AFG2A: variants seen among roughly 807,000 people sequenced by gnomAD.
AFG2A encodes ATPase family gene 2 protein homolog A.
chr4:123,209,586 ATTTT>A, the AFG2A span, among the ~76,000 whole-genome samples: 147 of 116,258 alleles, frequency 1.3e-3, 1 homozygote, highest in Non-Finnish European at 1.8e-3. Context: ...TGCATCAAGA[ATTTT>A]TTTTTTTTTT....
the AFG2A span, among the ~76,000 whole-genome samples, chr4:123,058,460 A>G: frequency 3.9e-5 from 6 of 152,166 alleles, no homozygotes; most frequent in Admixed American, 3.9e-4. Context: ...CGCTGTCTCT[A>G]CTAAAAATAT....
the AFG2A span, among the ~76,000 whole-genome samples, chr4:123,261,031 T>C: frequency 6.6e-6 from 1 of 152,128 alleles, no homozygotes; most frequent in African/African-American, 2.4e-5. Context: ...GGGATCTAGG[T>C]TGTGTGCTCC....
At chr4:123,069,636 G>A in the AFG2A span, among the ~76,000 whole-genome samples, 1 of 152,052 alleles carries the variant, frequency 6.6e-6, no homozygotes, top group African/African-American at 2.4e-5. Context: ...ACAGTATGTT[G>A]TTAAAAATAT....
At chr4:122,999,769 T>G in the AFG2A span, among the ~76,000 whole-genome samples, 1 of 152,192 alleles carries the variant, frequency 6.6e-6, no homozygotes, top group Non-Finnish European at 1.5e-5. Flanking sequence ...TCTTTTGGCT[T>G]AGGATTGACT....
the AFG2A span, among the ~76,000 whole-genome samples, chr4:122,963,120 G>C: frequency 6.6e-6 from 1 of 152,174 alleles, no homozygotes; most frequent in Non-Finnish European, 1.5e-5. Context: ...GCACTAGATG[G>C]TGGGGCTACC....
the AFG2A span, among the ~76,000 whole-genome samples, chr4:123,075,333 A>G: frequency 1.3e-5 from 2 of 151,512 alleles, no homozygotes; most frequent in Non-Finnish European, 2.9e-5. Flanking sequence ...GGATATTGGT[A>G]ATGTTTCTGT....
chr4:123,170,174 G>A, the AFG2A span, among the ~76,000 whole-genome samples: 1 of 152,124 alleles, frequency 6.6e-6, no homozygotes, highest in Non-Finnish European at 1.5e-5. Context: ...CAAAGCTGGA[G>A]GCGCTAATTA....
the AFG2A span, among the ~76,000 whole-genome samples, chr4:123,017,222 G>T: frequency 6.6e-5 from 9 of 137,252 alleles, 1 homozygote; most frequent in Non-Finnish European, 4.6e-5. Context: ...AGAGGGAGAG[G>T]GGGGAGAGGG....
At chr4:123,273,256 G>GTA in the AFG2A span, among the ~76,000 whole-genome samples, 1 of 151,990 alleles carries the variant, frequency 6.6e-6, no homozygotes, top group Non-Finnish European at 1.5e-5. Context: ...TACATTATGC[G>GTA]TAGTATAATA....
At chr4:123,207,207 C>G in the AFG2A span, among the ~76,000 whole-genome samples, 46 of 152,124 alleles carry the variant, frequency 3.0e-4, no homozygotes, top group Non-Finnish European at 5.4e-4. Context: ...ATAGGGTATC[C>G]CCTCAAATGT....
chr4:123,039,604 A>G, the AFG2A span, among the ~76,000 whole-genome samples: 3 of 151,760 alleles, frequency 2.0e-5, no homozygotes, highest in African/African-American at 2.4e-5. Context: ...TGTTTATTTG[A>G]CTTTATATTA....
the AFG2A span, among the ~76,000 whole-genome samples, chr4:123,002,543 T>C: frequency 6.6e-6 from 1 of 152,162 alleles, no homozygotes; most frequent in African/African-American, 2.4e-5. Flanking sequence ...GTAAAGTGTT[T>C]TATTTCTCCT....
chr4:122,961,898 A>G, the AFG2A span, among the ~76,000 whole-genome samples: 2 of 152,206 alleles, frequency 1.3e-5, no homozygotes, highest in African/African-American at 4.8e-5. Context: ...AGTTAAATTG[A>G]TGTATATGTC....
At chr4:123,117,077 C>T in the AFG2A span, among the ~76,000 whole-genome samples, 149 of 152,278 alleles carry the variant, frequency 9.8e-4, 2 homozygotes, top group South Asian at 0.031. Flanking sequence ...TCAGTTAACA[C>T]ATCTGAAAAG....
At chr4:123,249,525 A>G in the AFG2A span, among the ~76,000 whole-genome samples, 1 of 152,174 alleles carries the variant, frequency 6.6e-6, no homozygotes, top group Non-Finnish European at 1.5e-5. Flanking sequence ...CACATTAGCC[A>G]TGATGTAGAT....
chr4:123,243,950 A>T, the AFG2A span, among the ~76,000 whole-genome samples: 1 of 152,282 alleles, frequency 6.6e-6, no homozygotes, highest in South Asian at 2.1e-4. Flanking sequence ...TGGACCCTGG[A>T]GGTCAAGTCT....
At chr4:122,937,141 G>A in the AFG2A span, among the ~76,000 whole-genome samples, 2 of 151,990 alleles carry the variant, frequency 1.3e-5, no homozygotes, top group African/African-American at 2.4e-5. Flanking sequence ...CACACACCCC[G>A]TCTCAAAAAC....
At chr4:122,968,650 C>G in the AFG2A span, among the ~76,000 whole-genome samples, 2 of 152,162 alleles carry the variant, frequency 1.3e-5, no homozygotes, top group South Asian at 4.1e-4. Flanking sequence ...TTGCACATGC[C>G]TTTTGCTGCA....
At chr4:122,936,236 A>C in the AFG2A span, 2 of 1,001,852 alleles carry the variant, frequency 2.0e-6, no homozygotes, top group African/African-American at 1.6e-5. Flanking sequence ...CCTTATACAA[A>C]GCATAAACAG....
Sources: allele counts gnomAD v4.1 joint callset (sites outside exome capture counted in the v4.1 genomes callset), GRCh38; gene constraint gnomAD v4.1.1; transcripts MANE v1.5; gene names NCBI Gene and HGNC (gene_info 2026-07-23, HGNC 2026-07-21).